Variants in TTC28 observed in about 807,000 individuals in gnomAD.
TTC28 encodes tetratricopeptide repeat domain 28.
TTC28 carries 61 observed loss-of-function variants against 198.0 expected under a neutral mutation model. That is an observed-to-expected ratio of 0.31 (90% CI 0.25 to 0.38). The LOEUF (loss-of-function observed/expected upper bound fraction) is 0.38. Among genes scored for constraint, TTC28 ranks in the 10% least tolerant of loss-of-function variants. The pLI is 1.00. For synonymous variants in TTC28, 1,171 were observed against 1,297.8 expected (o/e 0.90, Z 2.10); for missense variants, 2,678 against 3,164.0 (o/e 0.85, Z 3.69).
At chr22:28,425,390 C>T (rs1428084762) in intron 2 of TTC28, among the ~76,000 whole-genome samples, 1 of 152,200 alleles carries the variant, frequency 6.6e-6, no homozygotes, top group Non-Finnish European at 1.5e-5. Context: ...AAGTCAGGCA[C>T]TATGTTGGGC....
At chr22:28,600,189 G>C (rs1477482836) in intron 2 of TTC28, among the ~76,000 whole-genome samples, 1 of 151,930 alleles carries the variant, frequency 6.6e-6, no homozygotes, top group Non-Finnish European at 1.5e-5. Flanking sequence ...GAATCCAGGA[G>C]TTCAAGACCA....
At chr22:28,111,504 A>T (rs555921305) in intron 6 of TTC28, among the ~76,000 whole-genome samples, 3 of 152,072 alleles carry the variant, frequency 2.0e-5, no homozygotes, top group African/African-American at 4.8e-5. Flanking sequence ...TCACATTTCA[A>T]ATTTCCAGGT....
At chr22:28,127,344 G>A (rs1440271972) in intron 6 of TTC28, among the ~76,000 whole-genome samples, 1 of 152,112 alleles carries the variant, frequency 6.6e-6, no homozygotes, top group African/African-American at 2.4e-5. Context: ...TGATTTCACT[G>A]GGTGCAGGGA....
chr22:28,006,915 G>C (rs1213827248), intron 14 of TTC28: 1 of 152,182 alleles, frequency 6.6e-6, no homozygotes, highest in Non-Finnish European at 1.5e-5. Flanking sequence ...AAGGTTAGAG[G>C]ATCTGCAGGT....
At chr22:28,071,524 T>G (rs1026356169) in intron 12 of TTC28, among the ~76,000 whole-genome samples, 1 of 146,968 alleles carries the variant, frequency 6.8e-6, no homozygotes, top group Admixed American at 6.8e-5. Context: ...TAGGTGGGAC[T>G]TGAACAATGA....
chr22:28,516,804 T>G (rs1209709583), intron 2 of TTC28, among the ~76,000 whole-genome samples: 1 of 152,116 alleles, frequency 6.6e-6, no homozygotes, highest in Non-Finnish European at 1.5e-5. Context: ...ATAATAAGCA[T>G]GTGAAGTAAC....
intron 5 of TTC28, among the ~76,000 whole-genome samples, chr22:28,185,541 T>C (rs1924117143): frequency 1.3e-5 from 2 of 152,156 alleles, no homozygotes; most frequent in South Asian, 2.1e-4. Context: ...CTACTATTCA[T>C]TGAGCACCAG....
At chr22:28,371,070 A>G (rs904064905) in intron 2 of TTC28, among the ~76,000 whole-genome samples, 2 of 152,170 alleles carry the variant, frequency 1.3e-5, no homozygotes, top group African/African-American at 4.8e-5. Context: ...TTAGAAACCC[A>G]GGACACACTC....
chr22:28,315,669 C>A (rs917629580), intron 2 of TTC28, among the ~76,000 whole-genome samples: 22 of 151,980 alleles, frequency 1.4e-4, no homozygotes, highest in Admixed American at 1.1e-3. Flanking sequence ...CCTTTTCCAC[C>A]TTTGTAAAAA....
At chr22:28,321,420 T>G (rs369090948) in intron 2 of TTC28, among the ~76,000 whole-genome samples, 3 of 152,334 alleles carry the variant, frequency 2.0e-5, no homozygotes, top group South Asian at 2.1e-4. Flanking sequence ...ATACATTGAA[T>G]TTTACAAGTA....
At chr22:28,460,998 G>A (rs2047942286) in intron 2 of TTC28, among the ~76,000 whole-genome samples, 1 of 152,112 alleles carries the variant, frequency 6.6e-6, no homozygotes, top group South Asian at 2.1e-4. Flanking sequence ...ATGATTTTAA[G>A]TAGCTGTATA....
At chr22:28,186,271 G>A (rs562815506) in intron 5 of TTC28, among the ~76,000 whole-genome samples, 38 of 152,224 alleles carry the variant, frequency 2.5e-4, no homozygotes, top group South Asian at 6.2e-4. Context: ...CTGCCCATAA[G>A]TGTAGAAAGA....
At chr22:28,504,214 A>G (rs2048572488) in intron 2 of TTC28, among the ~76,000 whole-genome samples, 1 of 152,178 alleles carries the variant, frequency 6.6e-6, no homozygotes, top group Non-Finnish European at 1.5e-5. Flanking sequence ...AACCTCTTTC[A>G]GGTATATCCT....
intron 2 of TTC28, among the ~76,000 whole-genome samples, chr22:28,611,130 C>A (rs1444048889): frequency 6.6e-6 from 1 of 152,124 alleles, no homozygotes; most frequent in Admixed American, 6.5e-5. Context: ...GAAAATGGAA[C>A]CAAGTTGGAA....
At chr22:28,134,183 G>A (rs922411244) in intron 6 of TTC28, among the ~76,000 whole-genome samples, 2 of 152,128 alleles carry the variant, frequency 1.3e-5, no homozygotes, top group Admixed American at 1.3e-4. Context: ...AAACAGAAAG[G>A]ACATCCACAC....
chr22:28,353,505 A>T lies in TTC28; in HGVS notation c.382-46862T>A, dbSNP rs373481623. On this transcript the variant is annotated intron_variant, in intron 2 of 22. Coordinates refer to ENST00000397906, the MANE Select transcript of TTC28 (RefSeq NM_001145418.2). ...AATGGCATAAAGACAGACATTGACC[A>T]ATGGAACAGAACAGAGAGCCCAGAA... 2.6e-5 allele frequency among the ~76,000 whole-genome samples: 4 copies of T among 152,192 alleles called. No homozygotes were observed. The East Asian group carries it at 7.7e-4, about 29-fold the overall frequency.
intron 2 of TTC28, among the ~76,000 whole-genome samples, chr22:28,357,689 T>G (rs1225275219): frequency 6.6e-6 from 1 of 152,138 alleles, no homozygotes; most frequent in Non-Finnish European, 1.5e-5. Context: ...ATTCAAACAC[T>G]TTATATAAAC....
chr22:28,091,062 A>G (rs1185137202), intron 12 of TTC28, among the ~76,000 whole-genome samples: 1 of 152,212 alleles, frequency 6.6e-6, no homozygotes, highest in Non-Finnish European at 1.5e-5. Context: ...CTCTGTATAG[A>G]GCAGAGGGGA....
chr22:28,136,677 G>C (rs1447986573), intron 6 of TTC28, among the ~76,000 whole-genome samples: 1 of 152,200 alleles, frequency 6.6e-6, no homozygotes, highest in African/African-American at 2.4e-5. Context: ...GTCAGGGAAG[G>C]AGAGGTTATG....
Sources: allele counts gnomAD v4.1 joint callset (sites outside exome capture counted in the v4.1 genomes callset), GRCh38; gene constraint gnomAD v4.1.1; transcripts MANE v1.5; gene names NCBI Gene and HGNC (gene_info 2026-07-23, HGNC 2026-07-21).